The following NTRK2 variants were observed in gnomAD, a reference collection of about 807,000 sequenced individuals.
NTRK2 encodes the protein BDNF/NT-3 growth factors receptor.
NTRK2 carries 13 observed loss-of-function variants against 94.5 expected under a neutral mutation model. The ratio of observed to expected loss-of-function variants is 0.14; its 90% CI spans 0.09 to 0.22. The LOEUF (loss-of-function observed/expected upper bound fraction) is 0.22, where lower values mean the gene tolerates loss of function less well. NTRK2 is among the 10% of genes least tolerant of loss of function. The pLI is 1.00. For synonymous variants in NTRK2, 372 were observed against 407.4 expected (o/e 0.91, Z 1.05); for missense variants, 639 against 1,071.2 (o/e 0.60, Z 5.63).
intron 12 of NTRK2, among the ~76,000 whole-genome samples, chr9:84,774,237 A>G (rs1471321805): frequency 6.6e-6 from 1 of 152,200 alleles, no homozygotes; most frequent in African/African-American, 2.4e-5. Flanking sequence ...GAGTTCTGAA[A>G]CATGGACAAA....
At chr9:84,802,107 A>G (rs1331725202) in intron 12 of NTRK2, among the ~76,000 whole-genome samples, 1 of 152,202 alleles carries the variant, frequency 6.6e-6, no homozygotes, top group Non-Finnish European at 1.5e-5. Context: ...TTTGGAAAAC[A>G]TCTCTTAAAA....
At chr9:84,835,394 C>T (rs2073813082) in intron 12 of NTRK2, among the ~76,000 whole-genome samples, 1 of 152,136 alleles carries the variant, frequency 6.6e-6, no homozygotes, top group African/African-American at 2.4e-5. Flanking sequence ...TGAGCCCCCA[C>T]TCCAAAAGGC....
chr9:84,696,572 C>T (rs756107601), intron 2 of NTRK2, among the ~76,000 whole-genome samples: 15 of 152,062 alleles, frequency 9.9e-5, no homozygotes, highest in African/African-American at 2.2e-4. Context: ...TGCTAGGAAA[C>T]GGAGATCAGT....
intron 13 of NTRK2, among the ~76,000 whole-genome samples, chr9:84,864,113 T>C (rs547304434): frequency 6.6e-6 from 1 of 152,312 alleles, no homozygotes; most frequent in Admixed American, 6.5e-5. Context: ...TCTCAAGTTG[T>C]CTTCTAGGTA....
chr9:84,860,558 T>C (rs1270888591), intron 12 of NTRK2, among the ~76,000 whole-genome samples: 1 of 152,184 alleles, frequency 6.6e-6, no homozygotes, highest in Non-Finnish European at 1.5e-5. Context: ...AAAGGATCTG[T>C]TTTCTCTTAT....
intron 17 of NTRK2, among the ~76,000 whole-genome samples, chr9:84,957,068 T>C (rs541311121): frequency 4.6e-5 from 7 of 152,262 alleles, no homozygotes; most frequent in Non-Finnish European, 8.8e-5. Context: ...GATGGTCTCC[T>C]CTGCTAGTTC....
intron 12 of NTRK2, among the ~76,000 whole-genome samples, chr9:84,838,839 A>G (rs1185559611): frequency 6.6e-6 from 1 of 152,168 alleles, no homozygotes; most frequent in Non-Finnish European, 1.5e-5. Flanking sequence ...ATAAAATAAC[A>G]CTACATACCT....
At chr9:85,018,257 C>T (rs1488980779) in intron 17 of NTRK2, among the ~76,000 whole-genome samples, 1 of 152,152 alleles carries the variant, frequency 6.6e-6, no homozygotes, top group African/African-American at 2.4e-5. Flanking sequence ...TGACACCAGA[C>T]GTGTATAGAT....
At chr9:84,696,134 C>T (rs1470242958) in intron 2 of NTRK2, among the ~76,000 whole-genome samples, 1 of 152,134 alleles carries the variant, frequency 6.6e-6, no homozygotes, top group Non-Finnish European at 1.5e-5. Context: ...CTCAGTCTCC[C>T]AAGCAGCTGG....
chr9:84,883,860 T>C (rs2076337363), intron 14 of NTRK2, among the ~76,000 whole-genome samples: 1 of 152,218 alleles, frequency 6.6e-6, no homozygotes, highest in Non-Finnish European at 1.5e-5. Flanking sequence ...TCAAAAGTTT[T>C]CTCAAAATTC....
At chr9:84,900,373 C>T (rs1285647775) in intron 14 of NTRK2, among the ~76,000 whole-genome samples, 1 of 152,180 alleles carries the variant, frequency 6.6e-6, no homozygotes, top group African/African-American at 2.4e-5. Flanking sequence ...AACCTAGCTC[C>T]TAAGCTTCCT....
At chr9:84,700,396 T>C (rs2060649339) in intron 2 of NTRK2, among the ~76,000 whole-genome samples, 1 of 152,158 alleles carries the variant, frequency 6.6e-6, no homozygotes, top group African/African-American at 2.4e-5. Flanking sequence ...CTTCTATGTG[T>C]GGTGGGAGGA....
At chr9:84,968,563 T>C (rs539840743) in intron 17 of NTRK2, among the ~76,000 whole-genome samples, 6 of 152,150 alleles carry the variant, frequency 3.9e-5, no homozygotes, top group Non-Finnish European at 5.9e-5. Context: ...TTTGGGTCAT[T>C]CCTGAACCTG....
intron 2 of NTRK2, among the ~76,000 whole-genome samples, chr9:84,698,586 T>C (rs2060533926): frequency 6.6e-6 from 1 of 151,982 alleles, no homozygotes; most frequent in African/African-American, 2.4e-5. Flanking sequence ...CCCTGAAGGG[T>C]TCTGATTTAT....
intron 14 of NTRK2, chr9:84,878,042 A>G (rs2076135254): frequency 1.8e-5 from 12 of 673,066 alleles, no homozygotes; most frequent in East Asian, 9.2e-5. Context: ...TTGCCCCCAC[A>G]TAGCCTCTCT....
intron 2 of NTRK2, among the ~76,000 whole-genome samples, chr9:84,687,047 A>G (rs889061098): frequency 2.0e-5 from 3 of 152,334 alleles, no homozygotes; most frequent in South Asian, 4.1e-4. Context: ...ATTAAATTTT[A>G]AAAAATGAAT....
intron 12 of NTRK2, among the ~76,000 whole-genome samples, chr9:84,801,107 G>A (rs1308977479): frequency 6.6e-6 from 1 of 152,176 alleles, no homozygotes; most frequent in East Asian, 1.9e-4. Context: ...AAGCTGGAAG[G>A]CACTAAGGTA....
chr9:84,936,819 C>T (rs1166383961), intron 15 of NTRK2, among the ~76,000 whole-genome samples: 5 of 152,008 alleles, frequency 3.3e-5, no homozygotes, highest in African/African-American at 1.2e-4. Context: ...ACTTCATGGT[C>T]ACAAACTTAA....
At chr9:84,751,873 C>A in intron 11 of NTRK2, 113 bp from the exon 12 acceptor site, 1 of 821,178 alleles carries the variant, frequency 1.2e-6, no homozygotes, top group Non-Finnish European at 2.1e-6. Flanking sequence ...AAGTGGTAAG[C>A]ATTCAATAAA....
Sources: allele counts gnomAD v4.1 joint callset (sites outside exome capture counted in the v4.1 genomes callset), GRCh38; gene constraint gnomAD v4.1.1; transcripts MANE v1.5; gene names NCBI Gene and HGNC (gene_info 2026-07-23, HGNC 2026-07-21).